The following CPT1C variants were observed in gnomAD, a reference collection of about 807,000 sequenced individuals.
CPT1C encodes palmitoyl thioesterase CPT1C.
A neutral mutation model predicts 97.3 loss-of-function variants in CPT1C; 61 were observed. The observed-to-expected ratio is 0.63, with a 90% confidence interval of 0.51 to 0.78. The LOEUF (loss-of-function observed/expected upper bound fraction) is 0.78. Among genes scored for constraint, CPT1C ranks in the 30% least tolerant of loss-of-function variants. The pLI is 0.00. For synonymous variants in CPT1C, 469 were observed against 447.2 expected (o/e 1.05, Z -0.61); for missense variants, 975 against 1,065.5 (o/e 0.92, Z 1.18).
chr19:49,695,751 T>C (rs143638028), intron 3 of CPT1C, among the ~76,000 whole-genome samples: 1 of 151,796 alleles, frequency 6.6e-6, no homozygotes, highest in African/African-American at 2.4e-5. Context: ...GCCAAGCTAA[T>C]TTTGTATTTT....
rs545810196 is a variant in CPT1C, at chr19:49,695,494, A to G, written c.142-1832A>G. Among the ~76,000 whole-genome samples the G allele has an allele frequency of 1.4e-4, 21 of 151,716 alleles. No homozygotes were observed. In the East Asian group the frequency reaches 4.1e-3, roughly 30 times the overall value. On this transcript the variant is annotated intron_variant, in intron 3 of 19. Coordinates refer to ENST00000598293, the MANE Select transcript of CPT1C (RefSeq NM_001199753.2). ...TAGACAGGGTTTCACCATGTTGGCC[A>G]GGATGATCTCGAACTCCTGATCTCA...
In CPT1C at chr19:49,710,423, G is replaced by A. The variant is rs767520011; in HGVS notation, c.1670G>A (p.Arg557Gln). 17 of 1,614,008 alleles carry A rather than the reference G, an allele frequency of 1.1e-5. No homozygotes were observed. The highest frequency in any genetic ancestry group is 1.7e-5 in the Admixed American group (1 of 59,976). Reference protein sequence around the residue: ...PFSLFGKSFIRRCHLSSDSFI... With the variant: ...PFSLFGKSFIQRCHLSSDSFI... ...TCCCTATTTGGCAAGAGCTTCATCC[G>A]ACGCTGCCACCTCTCTTCAGACAGC... The change falls in exon 15 of 20, where the codon CGA (arginine) becomes CAA (glutamine). Residue 557 changes from arginine to glutamine, a missense_variant. By Grantham distance (43) the Arg-to-Gln change is conservative. Coordinates refer to ENST00000598293, the MANE Select transcript of CPT1C (RefSeq NM_001199753.2).
chr19:49,702,163 A>AATAAATATATATTTATTTATAAATTATAG lies in CPT1C; in HGVS notation c.693+550_693+551insAATTATAGATAAATATATATTTATTTATA, dbSNP rs1568522248. ...AATATATATTTATTTATAAATTATA[A>AATAAATATATATTTATTTATAAATTATAG]ATAAATATATATTTATTTATATATA... On this transcript the variant is annotated intron_variant, in intron 7 of 19. Transcript: ENST00000598293. Among the ~76,000 whole-genome samples, 404 of 85,094 alleles carry AATAAATATATATTTATTTATAAATTATAG rather than the reference A, an allele frequency of 4.7e-3. 21 individuals are homozygous for AATAAATATATATTTATTTATAAATTATAG. The highest frequency in any genetic ancestry group is 6.9e-3 in the Middle Eastern group (1 of 144). The allele number at this position is 85,094 out of a possible 152,430, so 55.8% of individuals were successfully genotyped here.
At chr19:49,710,542 A>G (rs915892150) in intron 15 of CPT1C, 58 bp downstream of exon 15, 3 of 1,600,342 alleles carry the variant, frequency 1.9e-6, no homozygotes, top group Non-Finnish European at 8.6e-7. Context: ...TGAGCCCCCA[A>G]GACCTGCCCC....
chr19:49,692,700 C>A (rs1456850162), intron 3 of CPT1C, among the ~76,000 whole-genome samples: 1 of 152,100 alleles, frequency 6.6e-6, no homozygotes, highest in Non-Finnish European at 1.5e-5. Flanking sequence ...GTGAAATTAT[C>A]ATTTCTTCCT....
chr19:49,695,627 C>T (rs1408782546), intron 3 of CPT1C, among the ~76,000 whole-genome samples: 1 of 142,494 alleles, frequency 7.0e-6, no homozygotes, highest in African/African-American at 2.7e-5. Flanking sequence ...AGTCTGTTGC[C>T]AGGCTGGAGT....
chr19:49,696,896 T>C (rs571906974), intron 3 of CPT1C, among the ~76,000 whole-genome samples: 6 of 151,570 alleles, frequency 4.0e-5, no homozygotes, highest in Admixed American at 3.3e-4. Flanking sequence ...CCTCCCAAAG[T>C]GTTGGGATTA....
chr19:49,697,292 A>G (rs772561570), intron 3 of CPT1C, 34 bp from the exon 4 acceptor site: 2 of 1,613,002 alleles, frequency 1.2e-6, no homozygotes, highest in Non-Finnish European at 1.7e-6. Flanking sequence ...AGGAGAGGGC[A>G]GATGATTCAA....
At chr19:49,702,497 A>G (rs2083230435) in intron 7 of CPT1C, among the ~76,000 whole-genome samples, 1 of 151,908 alleles carries the variant, frequency 6.6e-6, no homozygotes, top group African/African-American at 2.4e-5. Context: ...GCACACGCCT[A>G]TAATCCCAGC....
intron 7 of CPT1C, among the ~76,000 whole-genome samples, chr19:49,703,705 T>G (rs2083344030): frequency 6.6e-6 from 1 of 151,396 alleles, no homozygotes. Context: ...TGATCAAAGC[T>G]CACTGCAGCC....
At position 49,705,083 on chromosome 19, in the gene CPT1C, G is replaced by A. The variant is rs772025553; in HGVS notation, c.848G>A (p.Arg283His). 9 of 1,613,718 alleles carry A rather than the reference G, an allele frequency of 5.6e-6. No individual in the cohort carries two copies. The highest frequency in any genetic ancestry group is 7.6e-6 in the Non-Finnish European group (9 of 1,179,944). Residue 283 changes from arginine to histidine, a missense_variant, in exon 9 of 20, where the codon CGC becomes CAC. By Grantham distance (29) the Arg-to-His change is conservative. This residue lies in a region of CPT1C where 596 missense variants were observed against 603.1 expected (regional missense o/e 0.99). Coordinates refer to ENST00000598293, the MANE Select transcript of CPT1C (RefSeq NM_001199753.2). Reference sequence around the variant, plus strand: ...GCCGTCCATGCCCTCCTCCTGTACCGCCACCGCCTGAACCGCCAGGAGATA... The same window carrying A: ...GCCGTCCATGCCCTCCTCCTGTACCACCACCGCCTGAACCGCCAGGAGATA... ...GNAVHALLLY[R>H]HRLNRQEIPP...
upstream of CPT1C, chr19:49,690,829 G>A (rs1335130010): frequency 2.1e-5 from 5 of 237,214 alleles, no homozygotes; most frequent in Non-Finnish European, 8.1e-6. This position sits in a 1 kb window ranked among gnomAD's most constrained non-coding sequence, Gnocchi z 4.4. Flanking sequence ...GGCACCCTAC[G>A]CGCCTGACGT....
At chr19:49,700,912 C>G (rs1049110188) in intron 5 of CPT1C, 57 bp downstream of exon 5, 1 of 1,571,716 alleles carries the variant, frequency 6.4e-7, no homozygotes, top group African/African-American at 1.3e-5. Context: ...ATCTATTCCC[C>G]TCTCTCTGGG....
At chr19:49,699,376 C>T (rs1444180916) in intron 4 of CPT1C, among the ~76,000 whole-genome samples, 2 of 144,932 alleles carry the variant, frequency 1.4e-5, no homozygotes, top group Admixed American at 1.4e-4. Context: ...ACTTGTAATC[C>T]CAGCACTTCG....
chr19:49,698,768 T>C (rs2082820511), intron 4 of CPT1C, among the ~76,000 whole-genome samples: 1 of 152,100 alleles, frequency 6.6e-6, no homozygotes, highest in South Asian at 2.1e-4. Context: ...AAATGAGGTA[T>C]GAATAATTGC....
rs770529938 is a variant in CPT1C, at chr19:49,705,935, C to G, written c.991C>G (p.Gln331Glu). ...CTACATCCGCCACCTCCATGACAGC[C>G]AACACGTGGCTGTCTTCCACCGGGG... ...KDYIRHLHDS[Q>E]HVAVFHRGRF... Residue 331 changes from glutamine (Q) to glutamate (E), a missense_variant, in exon 11 of 20, where the codon CAA (glutamine) becomes GAA (glutamate). This residue lies in a region of CPT1C where 596 missense variants were observed against 603.1 expected (regional missense o/e 0.99). Transcript: ENST00000598293. 1.2e-6 allele frequency: 2 copies of G among 1,613,840 alleles called. No individual in the cohort carries two copies. The highest frequency in any genetic ancestry group is 1.7e-6 in the Non-Finnish European group (2 of 1,179,894).
chr19:49,701,870 GTATATATAAATATATATATT>G (rs2083088827), intron 7 of CPT1C, among the ~76,000 whole-genome samples: 1 of 105,570 alleles, frequency 9.5e-6, no homozygotes, highest in South Asian at 2.5e-4. Context: ...AATATATAGT[GTATATATAAATATATATATT>G]TATTTATAAA....
intron 7 of CPT1C, 86 bp downstream of exon 7, chr19:49,701,720 C>A: frequency 7.0e-7 from 1 of 1,421,842 alleles, no homozygotes; most frequent in Non-Finnish European, 9.3e-7. Context: ...ATACGCCCTG[C>A]CCCACGACAC....
chr19:49,704,758 C>A lies in CPT1C; in HGVS notation c.742C>A (p.Leu248Met). The change falls in exon 8 of 20, where the codon CTG becomes ATG. Residue 248 changes from leucine (L) to methionine (M), a missense_variant. Coordinates refer to ENST00000598293, the MANE Select transcript of CPT1C (RefSeq NM_001199753.2). Reference sequence around the variant, plus strand: ...TGTGTACCTGCGCTCCCGAAATCCGCTGATGGTGAACAGCAACTATTACAT... The same window carrying A: ...TGTGTACCTGCGCTCCCGAAATCCGATGATGGTGAACAGCAACTATTACAT... ...EFVYLRSRNP[L>M]MVNSNYYMMD... 1.2e-6 allele frequency: 2 copies of A among 1,614,070 alleles called. No homozygotes were observed. The highest frequency in any genetic ancestry group is 1.7e-6 in the Non-Finnish European group (2 of 1,180,012).
Sources: allele counts gnomAD v4.1 joint callset (sites outside exome capture counted in the v4.1 genomes callset), GRCh38; gene constraint gnomAD v4.1.1; regional missense constraint gnomAD v4.1.1; non-coding constraint Gnocchi (gnomAD v3.1); transcripts MANE v1.5; gene names NCBI Gene and HGNC (gene_info 2026-07-23, HGNC 2026-07-21).